Variants in GLDC observed in about 807,000 individuals in gnomAD.
The protein encoded by GLDC is glycine dehydrogenase (decarboxylating), mitochondrial.
In GLDC, 104 loss-of-function variants were observed where a neutral mutation model predicts 121.3. The observed-to-expected ratio is 0.86, with a 90% CI of 0.73 to 1.01. The LOEUF (loss-of-function observed/expected upper bound fraction) is 1.01, where lower values mean the gene tolerates loss of function less well. GLDC is among the 50% of genes least tolerant of loss of function. GLDC has a pLI of 0.00. For synonymous variants in GLDC, 546 were observed against 480.6 expected (o/e 1.14, Z -1.78); for missense variants, 1,429 against 1,306.6 (o/e 1.09, Z -1.44).
At chr9:6,594,972 A>G (rs768479229) in intron 9 of GLDC, 42 bp downstream of exon 9, 80 of 1,211,004 alleles carry the variant, frequency 6.6e-5, no homozygotes, top group Non-Finnish European at 8.6e-6. Context: ...AAATTTATCA[A>G]TTTTATTATG....
intron 7 of GLDC, among the ~76,000 whole-genome samples, chr9:6,603,827 T>A (rs1818672864): frequency 6.6e-6 from 1 of 151,600 alleles, no homozygotes; most frequent in Non-Finnish European, 1.5e-5. Flanking sequence ...CCTCCGTGGT[T>A]CAAGTGATTC....
chr9:6,558,726 T>A (rs1817686284), intron 16 of GLDC, 42 bp from the exon 17 acceptor site: 1 of 1,611,236 alleles, frequency 6.2e-7, no homozygotes, highest in South Asian at 1.1e-5. Context: ...AAAATCATCA[T>A]CAGACTATGA....
chr9:6,567,416 G>A (rs1817875051), intron 15 of GLDC: 1 of 152,220 alleles, frequency 6.6e-6, no homozygotes, highest in Non-Finnish European at 1.5e-5. Flanking sequence ...TGAGAGATGT[G>A]TAAAATGGGG....
At chr9:6,556,956 G>C (rs2129729080) in intron 17 of GLDC, among the ~76,000 whole-genome samples, 1 of 152,260 alleles carries the variant, frequency 6.6e-6, no homozygotes, top group Admixed American at 6.5e-5. Flanking sequence ...AACGATTTCA[G>C]ACGTTTGTGG....
At chr9:6,609,095 G>A (rs1342454772) in intron 4 of GLDC, among the ~76,000 whole-genome samples, 1 of 152,190 alleles carries the variant, frequency 6.6e-6, no homozygotes, top group East Asian at 1.9e-4. Context: ...GACACGGCCA[G>A]CATGTGTGCG....
chr9:6,547,085 G>C (rs1376550472), intron 21 of GLDC, among the ~76,000 whole-genome samples: 1 of 151,990 alleles, frequency 6.6e-6, no homozygotes, highest in African/African-American at 2.4e-5. Context: ...CATACTTTTA[G>C]ACAACCCGCC....
At chr9:6,632,707 C>T (rs114736226) in intron 2 of GLDC, among the ~76,000 whole-genome samples, 1,745 of 152,336 alleles carry the variant, frequency 0.011, 29 homozygotes, top group African/African-American at 0.04. Flanking sequence ...CACTCCCAGC[C>T]TCCTGAGGCG....
intron 15 of GLDC, chr9:6,565,686 G>A: frequency 1.7e-6 from 1 of 603,028 alleles, no homozygotes; most frequent in Non-Finnish European, 2.9e-6. Context: ...CTATATCCTT[G>A]CTCAGGACCA....
intron 4 of GLDC, among the ~76,000 whole-genome samples, chr9:6,607,404 A>C (rs1457758033): frequency 1.3e-5 from 2 of 151,892 alleles, no homozygotes; most frequent in Non-Finnish European, 2.9e-5. Flanking sequence ...CCAACATAGC[A>C]AAACCCCAGC....
At chr9:6,592,323 C>T (rs1818391080) in intron 10 of GLDC, 100 bp from the exon 11 acceptor site, 2 of 776,384 alleles carry the variant, frequency 2.6e-6, no homozygotes, top group Non-Finnish European at 2.3e-6. Flanking sequence ...TAAACAAAAT[C>T]CCATCATTCC....
rs1233962223 is a variant in GLDC, at chr9:6,556,252, G to T, written c.2103C>A (p.Ser701=). The T allele has an allele frequency of 6.2e-7, 1 of 1,610,680 alleles. No homozygotes were observed. The highest frequency in any genetic ancestry group is 8.5e-7 in the Non-Finnish European group (1 of 1,176,918). ...TGTTCTCTTCAAACACCCCATTGGT[G>T]GATGGGTATGTAATCATGATAGCTG... ...NLAAIMITYP[S]TNGVFEENIS... The change falls in exon 18 of 25, where the codon TCC becomes TCA. Residue 701 remains serine, a synonymous_variant. Transcript: ENST00000321612.
At chr9:6,626,505 CTG>C in intron 2 of GLDC, among the ~76,000 whole-genome samples, 1 of 148,676 alleles carries the variant, frequency 6.7e-6, no homozygotes, top group South Asian at 2.2e-4. Flanking sequence ...GTGCCTGCCA[CTG>C]TGTTTCAAGA....
Position 6,558,111 on chromosome 9 carries a change from G to T in GLDC, c.2052+448C>A, listed in dbSNP as rs1395625662. ...ACTTCTTCCTGGAGGTTGGGAGGTT[G>T]AGAGTGGGGGTTGGTGGAAACCAAG... On this transcript the variant is annotated intron_variant, in intron 17 of 24. Coordinates refer to ENST00000321612, the MANE Select transcript of GLDC (RefSeq NM_000170.3). The T allele has an allele frequency of 1.6e-5, 4 of 248,150 alleles. No individual in the cohort carries two copies. The Admixed American group carries it at 2.0e-4, about 12-fold the overall frequency. 15.4% of individuals were successfully genotyped at this position (248,150 alleles called of 1,614,324 possible).
intron 21 of GLDC, among the ~76,000 whole-genome samples, chr9:6,543,455 G>A (rs1163813856): frequency 6.6e-6 from 1 of 152,134 alleles, no homozygotes; most frequent in Non-Finnish European, 1.5e-5. Context: ...AGTAATAGCT[G>A]AAAGGCACCG....
intron 3 of GLDC, among the ~76,000 whole-genome samples, chr9:6,612,346 G>A (rs1376105588): frequency 1.3e-5 from 2 of 151,868 alleles, no homozygotes; most frequent in African/African-American, 4.8e-5. Flanking sequence ...TGTACTGCTT[G>A]GAAAGGCAAC....
intron 3 of GLDC, among the ~76,000 whole-genome samples, chr9:6,618,507 A>C (rs1407826208): frequency 6.6e-6 from 1 of 151,946 alleles, no homozygotes; most frequent in Non-Finnish European, 1.5e-5. Context: ...GGGTTTTTCC[A>C]TGTTGGTCAG....
chr9:6,576,184 T>C (rs956196130), intron 15 of GLDC, among the ~76,000 whole-genome samples: 18 of 152,166 alleles, frequency 1.2e-4, no homozygotes, highest in Admixed American at 8.5e-4. Flanking sequence ...CTGGGTGGCT[T>C]ATAAACAACA....
rs1817555187 is a variant in GLDC at position 6,553,401 on chromosome 9, A to G, written c.2424T>C (p.Ser808=). 1 of 1,613,950 alleles carries G rather than the reference A, an allele frequency of 6.2e-7. No homozygotes were observed. The highest frequency in any genetic ancestry group is 1.7e-5 in the Admixed American group (1 of 60,008). The part of the protein sequence containing the change: ...GTVSAAPWGS[S]SILPISWAYI... ...AAGCCCAGGAAATGGGCAAGATGGA[A>G]CTGGAGCCCCATGGGGCCGCACTGA... The change falls in exon 20 of 25, where the codon AGT becomes AGC. Residue 808 remains serine (S), a synonymous_variant. Coordinates refer to ENST00000321612, the MANE Select transcript of GLDC (RefSeq NM_000170.3).
intron 17 of GLDC, 48 bp from the exon 18 acceptor site, chr9:6,556,350 C>T (rs778861362): frequency 6.7e-7 from 1 of 1,496,990 alleles, no homozygotes; most frequent in Non-Finnish European, 9.3e-7. Context: ...GGATATGTTT[C>T]TTTCTTGGCC....
Sources: gnomAD v4.1 joint callset for allele counts (sites outside exome capture counted in the v4.1 genomes callset) on GRCh38, gnomAD v4.1.1 for gene constraint, MANE v1.5 for transcripts, NCBI Gene and HGNC (gene_info 2026-07-23, HGNC 2026-07-21) for gene names.